The following PCDH15 variants were observed in gnomAD, a reference collection of about 807,000 sequenced individuals.
The protein encoded by PCDH15 is protocadherin related 15, also known as protocadherin-15.
In PCDH15, 129 loss-of-function variants were observed where a neutral mutation model predicts 178.5. The observed-to-expected ratio is 0.72, with a 90% CI of 0.63 to 0.84. PCDH15 has a LOEUF of 0.84. Among genes scored for constraint, PCDH15 ranks in the 40% least tolerant of loss-of-function variants. The pLI is 0.00. For synonymous variants in PCDH15, 800 were observed against 732.0 expected (o/e 1.09, Z -1.50); for missense variants, 2,230 against 2,099.9 (o/e 1.06, Z -1.21).
chr10:54,126,889 A>T (rs1224214540), intron 15 of PCDH15, among the ~76,000 whole-genome samples: 1 of 152,092 alleles, frequency 6.6e-6, no homozygotes, highest in Non-Finnish European at 1.5e-5. Flanking sequence ...TTTCTTACAA[A>T]CCTTTTAAAA....
chr10:55,500,952 T>G (rs1034249163), intron 2 of PCDH15, among the ~76,000 whole-genome samples: 1 of 151,760 alleles, frequency 6.6e-6, no homozygotes, highest in Admixed American at 6.6e-5. Context: ...AGTTGGACAT[T>G]TTAATGGGTT....
intron 2 of PCDH15, among the ~76,000 whole-genome samples, chr10:55,442,362 G>A (rs1839206989): frequency 1.4e-5 from 2 of 147,142 alleles, no homozygotes; most frequent in South Asian, 4.2e-4. Flanking sequence ...ATGCAGTCAT[G>A]TGTTCCTTTT....
intron 3 of PCDH15, among the ~76,000 whole-genome samples, chr10:54,829,253 G>A (rs1953182831): frequency 6.6e-6 from 1 of 151,980 alleles, no homozygotes; most frequent in African/African-American, 2.4e-5. Flanking sequence ...AGTGGAAGCA[G>A]AGAGACTAGA....
At chr10:54,074,593 C>T (rs1056779549) in intron 17 of PCDH15, among the ~76,000 whole-genome samples, 1 of 152,138 alleles carries the variant, frequency 6.6e-6, no homozygotes, top group Admixed American at 6.6e-5. Context: ...TATTACTCTA[C>T]ATAAACATGG....
chr10:55,241,982 T>C (rs980726220), intron 1 of PCDH15, among the ~76,000 whole-genome samples: 15 of 152,188 alleles, frequency 9.9e-5, no homozygotes, highest in Admixed American at 8.5e-4. Flanking sequence ...AAAGATTATG[T>C]GGTTTATGTT....
At chr10:54,191,942 G>GA (rs1352778547) in intron 11 of PCDH15, among the ~76,000 whole-genome samples, 5 of 118,114 alleles carry the variant, frequency 4.2e-5, no homozygotes, top group Admixed American at 3.0e-4. Context: ...GCAAGGGAAA[G>GA]AAAAAAAAGA....
intron 3 of PCDH15, among the ~76,000 whole-genome samples, chr10:54,418,958 A>C (rs1954842417): frequency 6.6e-6 from 1 of 152,054 alleles, no homozygotes; most frequent in Admixed American, 6.6e-5. Flanking sequence ...GGCAATAGCT[A>C]TGAGAGATAA....
intron 2 of PCDH15, among the ~76,000 whole-genome samples, chr10:54,940,585 CTTTA>C (rs1413022597): frequency 6.6e-6 from 1 of 152,038 alleles, no homozygotes; most frequent in Non-Finnish European, 1.5e-5. Flanking sequence ...TCTTCTATGT[CTTTA>C]TTGATCTTTC....
At chr10:55,334,098 G>A (rs1315672774) in intron 2 of PCDH15, among the ~76,000 whole-genome samples, 1 of 150,444 alleles carries the variant, frequency 6.6e-6, no homozygotes, top group East Asian at 1.9e-4. Flanking sequence ...GCCACTTCAA[G>A]CCCTAGGTAT....
intron 7 of PCDH15, among the ~76,000 whole-genome samples, chr10:54,319,825 C>T (rs1165249463): frequency 6.6e-6 from 1 of 151,196 alleles, no homozygotes; most frequent in Non-Finnish European, 1.5e-5. Flanking sequence ...GTTAATAGTA[C>T]ATTTTGGTTA....
At chr10:55,593,884 C>T (rs753246655) in intron 2 of PCDH15, among the ~76,000 whole-genome samples, 2 of 151,718 alleles carry the variant, frequency 1.3e-5, no homozygotes, top group Non-Finnish European at 3.0e-5. Context: ...ATTGAATTGT[C>T]ATTTGGGGAT....
At chr10:54,576,115 C>G (rs924218711) in intron 2 of PCDH15, among the ~76,000 whole-genome samples, 2 of 117,034 alleles carry the variant, frequency 1.7e-5, no homozygotes, top group Admixed American at 9.6e-5. Context: ...TATCATTTAT[C>G]TATGTATGTA....
chr10:55,541,652 A>C (rs1161013454), intron 2 of PCDH15, among the ~76,000 whole-genome samples: 1 of 151,968 alleles, frequency 6.6e-6, no homozygotes, highest in Non-Finnish European at 1.5e-5. Context: ...TTATATTTTC[A>C]GAAACAACTG....
chr10:54,463,017 A>T (rs889385093), intron 3 of PCDH15, among the ~76,000 whole-genome samples: 9 of 152,106 alleles, frequency 5.9e-5, no homozygotes, highest in African/African-American at 2.2e-4. Flanking sequence ...GAGTCCACAC[A>T]TGTTGGGTAT....
At chr10:54,622,591 TAATATATAA>T (rs1161457819) in intron 2 of PCDH15, among the ~76,000 whole-genome samples, 69 of 44,758 alleles carry the variant, frequency 1.5e-3, no homozygotes, top group African/African-American at 5.6e-3. Context: ...ATAATATATA[TAATATATAA>T]TATATATAAT....
chr10:53,995,301 T>A (rs182860108), intron 21 of PCDH15: 166 of 253,986 alleles, frequency 6.5e-4, no homozygotes, highest in African/African-American at 3.5e-3. Context: ...AACAAAATAG[T>A]CATATATGCA....
At chr10:54,781,858 C>A (rs1231697902) in intron 1 of PCDH15, among the ~76,000 whole-genome samples, 3 of 152,092 alleles carry the variant, frequency 2.0e-5, no homozygotes. Flanking sequence ...ACACGAGGTT[C>A]CTGCTTTCAA....
intron 2 of PCDH15, among the ~76,000 whole-genome samples, chr10:54,905,503 C>A (rs1468905097): frequency 6.6e-6 from 1 of 152,030 alleles, no homozygotes; most frequent in Non-Finnish European, 1.5e-5. Flanking sequence ...ATTTCTAATG[C>A]AACTAGTTAA....
chr10:54,273,737 A>C (rs2058180660), intron 8 of PCDH15, among the ~76,000 whole-genome samples: 1 of 152,102 alleles, frequency 6.6e-6, no homozygotes, highest in Non-Finnish European at 1.5e-5. Context: ...GGGTGAACAT[A>C]AACCACACTT....
Sources: gnomAD v4.1 joint callset for allele counts (sites outside exome capture counted in the v4.1 genomes callset) on GRCh38, gnomAD v4.1.1 for gene constraint, MANE v1.5 for transcripts, NCBI Gene and HGNC (gene_info 2026-07-23, HGNC 2026-07-21) for gene names.